OPRM1: variants seen among roughly 807,000 people sequenced by gnomAD.
The protein encoded by OPRM1 is opioid receptor mu 1.
In OPRM1, 27 loss-of-function variants were observed where a neutral mutation model predicts 31.8. The ratio of observed to expected loss-of-function variants is 0.85; its 90% CI spans 0.63 to 1.17. OPRM1 has a LOEUF of 1.17. Ranked by LOEUF, OPRM1 falls within the 50% of genes most tolerant of loss-of-function variation. The pLI is 0.00. For missense variants in OPRM1, 536 were observed against 511.1 expected, an observed-to-expected ratio of 1.05 and a Z score of -0.47; for synonymous variants, 196 against 189.9, an observed-to-expected ratio of 1.03 and a Z score of -0.26.
intron 1 of OPRM1, among the ~76,000 whole-genome samples, chr6:154,063,010 C>T (rs1195997548): frequency 1.3e-5 from 2 of 151,962 alleles, no homozygotes; most frequent in Admixed American, 1.3e-4. Context: ...ATCTGTTGTG[C>T]TATTATTAAA....
intron 3 of OPRM1, among the ~76,000 whole-genome samples, chr6:154,162,827 C>G (rs1057045010): frequency 3.3e-5 from 5 of 152,182 alleles, no homozygotes; most frequent in African/African-American, 1.2e-4. Flanking sequence ...TAAACTTCCT[C>G]TTCAGCAGTT....
At chr6:154,173,027 G>A (rs982108628) in intron 3 of OPRM1, among the ~76,000 whole-genome samples, 1 of 152,344 alleles carries the variant, frequency 6.6e-6, no homozygotes, top group Admixed American at 6.5e-5. Context: ...AGGCAAACAG[G>A]GTCTGGAGTG....
chr6:154,233,998 T>TA (rs1451535485), intron 3 of OPRM1, among the ~76,000 whole-genome samples: 1 of 152,074 alleles, frequency 6.6e-6, no homozygotes, highest in African/African-American at 2.4e-5. Flanking sequence ...CTCTTGAGGC[T>TA]AGGAGTTCAA....
At chr6:154,066,327 A>C (rs1026931038) in intron 1 of OPRM1, among the ~76,000 whole-genome samples, 2 of 152,078 alleles carry the variant, frequency 1.3e-5, no homozygotes, top group Non-Finnish European at 2.9e-5. Flanking sequence ...ATATTGAAAA[A>C]TTTTGAGAAG....
intron 1 of OPRM1, among the ~76,000 whole-genome samples, chr6:154,018,828 G>A (rs192123720): frequency 6.3e-4 from 96 of 152,210 alleles, no homozygotes; most frequent in African/African-American, 2.1e-3. Context: ...CTTATATCCA[G>A]CATTAGACTA....
In OPRM1 at chr6:154,199,642, G is replaced by A. The variant is rs184129302; in HGVS notation, c.1165-47051G>A. ...TACAAACAAATATTCACTCTCTAAC[G>A]AAGAATAAATAATTTATTGGTTTAC... On this transcript the variant is annotated intron_variant, in intron 3 of 3. Transcript: ENST00000337049. 118 of 1,553,014 alleles carry A rather than the reference G, an allele frequency of 7.6e-5. No individual in the cohort carries two copies. In the East Asian group the frequency reaches 1.3e-3, roughly 17 times the overall value.
At chr6:154,143,045 A>G (rs1798262254) in intron 3 of OPRM1, among the ~76,000 whole-genome samples, 2 of 152,250 alleles carry the variant, frequency 1.3e-5, no homozygotes, top group African/African-American at 4.8e-5. Context: ...CCTGGAGTAG[A>G]GGAATTCCAG....
At chr6:154,237,821 T>C (rs775057474) in intron 3 of OPRM1, among the ~76,000 whole-genome samples, 4 of 152,088 alleles carry the variant, frequency 2.6e-5, no homozygotes, top group Non-Finnish European at 5.9e-5. Flanking sequence ...TACACATGCA[T>C]ATCTATATAT....
At chr6:154,026,557 A>C (rs2128385072) in intron 1 of OPRM1, among the ~76,000 whole-genome samples, 1 of 152,248 alleles carries the variant, frequency 6.6e-6, no homozygotes, top group Non-Finnish European at 1.5e-5. Context: ...TTCCTCTTTA[A>C]GGCCAATAAC....
At chr6:154,133,798 C>T (rs1445762929), downstream of OPRM1, among the ~76,000 whole-genome samples, 5 of 152,184 alleles carry the variant, frequency 3.3e-5, no homozygotes, top group Non-Finnish European at 5.9e-5. Context: ...TATCTAGCAG[C>T]GTAAGCCCTC....
rs1799652787 is a variant in OPRM1 at position 154,168,909 on chromosome 6, C to A, written c.1164+77437C>A. 1.3e-5 allele frequency among the ~76,000 whole-genome samples: 2 copies of A among 152,066 alleles called. No homozygotes were observed. Among genetic ancestry groups the A allele is most frequent in the South Asian group, 4.1e-4 (2 of 4,820 alleles). On this transcript the variant is annotated intron_variant, in intron 3 of 3. Coordinates refer to the OPRM1 transcript ENST00000337049. The surrounding 1 kb of genome is among the most constrained non-coding windows in gnomAD (Gnocchi z 4.1). Reference sequence around the variant, plus strand: ...GTGTGAGCCACCACGCCCAGCCCAACATATGAATTTTAGAGGGACACAATT... The same window carrying A: ...GTGTGAGCCACCACGCCCAGCCCAAAATATGAATTTTAGAGGGACACAATT...
chr6:154,135,510 T>G (rs1798038753), downstream of OPRM1, among the ~76,000 whole-genome samples: 1 of 151,890 alleles, frequency 6.6e-6, no homozygotes. Flanking sequence ...GATATAGATA[T>G]AGATATAGAT....
chr6:154,021,631 T>C (rs1778370623), intron 1 of OPRM1, among the ~76,000 whole-genome samples: 1 of 152,210 alleles, frequency 6.6e-6, no homozygotes, highest in South Asian at 2.1e-4. Flanking sequence ...AATTTCTTCA[T>C]CAGAGTTTTA....
Position 154,104,152 on chromosome 6 carries a change from G to A in OPRM1, c.1164+12680G>A, listed in dbSNP as rs145173445. 2.5e-3 allele frequency among the ~76,000 whole-genome samples: 380 copies of A among 152,254 alleles called. 1 individual carries two copies. Among genetic ancestry groups the A allele is most frequent in the African/African-American group, 8.7e-3 (361 of 41,536 alleles). On this transcript the variant is annotated intron_variant, in intron 3 of 3. Transcript: ENST00000330432. ...CAATAATATTCCTGCCTAGCTATTAGGGGCTCTTGTGTTTAGGGTAGAGAG... is the reference window on the plus strand; with the variant it reads ...CAATAATATTCCTGCCTAGCTATTAAGGGCTCTTGTGTTTAGGGTAGAGAG...
At chr6:154,152,384 G>GAA (rs869258730) in intron 3 of OPRM1, among the ~76,000 whole-genome samples, 2 of 146,538 alleles carry the variant, frequency 1.4e-5, no homozygotes, top group African/African-American at 2.7e-5. Flanking sequence ...AAGAAAGAAA[G>GAA]AAAGAAAGAG....
chr6:154,011,640 CACA>C (rs1242720616), intron 1 of OPRM1, among the ~76,000 whole-genome samples: 1 of 152,060 alleles, frequency 6.6e-6, no homozygotes, highest in East Asian at 1.9e-4. Context: ...TTATTCCGAC[CACA>C]ACAACTTTCA....
At chr6:154,216,034 A>G (rs1778365418) in intron 3 of OPRM1, among the ~76,000 whole-genome samples, 2 of 152,324 alleles carry the variant, frequency 1.3e-5, no homozygotes, top group Admixed American at 1.3e-4. Flanking sequence ...AAACATGAAA[A>G]CTGATACAGC....
intron 3 of OPRM1, among the ~76,000 whole-genome samples, chr6:154,114,942 C>T (rs1796713290): frequency 6.6e-6 from 1 of 151,752 alleles, no homozygotes; most frequent in Non-Finnish European, 1.5e-5. Flanking sequence ...TGCATGCATC[C>T]TTCTATCCCT....
At chr6:154,061,061 C>T (rs927581247) in intron 1 of OPRM1, among the ~76,000 whole-genome samples, 1 of 152,120 alleles carries the variant, frequency 6.6e-6, no homozygotes. Flanking sequence ...TGTATATTCA[C>T]TTCTGGAAAC....
Sources: allele counts gnomAD v4.1 joint callset (sites outside exome capture counted in the v4.1 genomes callset), GRCh38; gene constraint gnomAD v4.1.1; non-coding constraint Gnocchi (gnomAD v3.1); transcripts MANE v1.5; gene names NCBI Gene and HGNC (gene_info 2026-07-23, HGNC 2026-07-21).